SIK3: variants seen among roughly 807,000 people sequenced by gnomAD.
The protein encoded by SIK3 is SIK family kinase 3, also known as serine/threonine-protein kinase SIK3.
SIK3 carries 28 observed loss-of-function variants against 144.2 expected under a neutral mutation model. The ratio of observed to expected loss-of-function variants is 0.19; its 90% confidence interval spans 0.14 to 0.27. SIK3 has a LOEUF of 0.27. Ranked by LOEUF, SIK3 falls within the 10% of genes least tolerant of loss-of-function variation. The pLI is 1.00. For synonymous variants in SIK3, 686 were observed against 676.3 expected (o/e 1.01, Z -0.22); for missense variants, 1,319 against 1,776.0 (o/e 0.74, Z 4.62).
chr11:116,857,685 G>A (rs2134384885), intron 21 of SIK3, 125 bp downstream of exon 21: 1 of 1,439,830 alleles, frequency 6.9e-7, no homozygotes, highest in African/African-American at 1.4e-5. Context: ...CCCCAAGAAG[G>A]TCGTGAAGCT....
At chr11:117,038,776 G>A (rs1952620102) in intron 1 of SIK3, among the ~76,000 whole-genome samples, 1 of 152,082 alleles carries the variant, frequency 6.6e-6, no homozygotes, top group African/African-American at 2.4e-5. Context: ...GCGGCCAGGC[G>A]CAGTGGCTCA....
chr11:116,993,570 A>G (rs2135569054), intron 1 of SIK3, among the ~76,000 whole-genome samples: 1 of 152,312 alleles, frequency 6.6e-6, no homozygotes, highest in South Asian at 2.1e-4. Context: ...AAAAGTATAG[A>G]GGAGCAGATA....
At chr11:117,052,620 A>C (rs546114095) in intron 1 of SIK3, among the ~76,000 whole-genome samples, 40 of 152,376 alleles carry the variant, frequency 2.6e-4, no homozygotes, top group Non-Finnish European at 5.1e-4. Context: ...TATCCCCAAC[A>C]AAACAAAAGT....
chr11:116,865,460 T>C (rs1246827077), intron 15 of SIK3, among the ~76,000 whole-genome samples: 2 of 152,182 alleles, frequency 1.3e-5, no homozygotes, highest in African/African-American at 2.4e-5. Flanking sequence ...GTATCAATTG[T>C]GCTTGATTTT....
chr11:117,020,246 T>TATACAC lies in SIK3; in HGVS notation c.274-63183_274-63182insGTGTAT. ...GTATGTGTATATGTGCATATATATATACACATACATATATCTCCATGGTTC... is the reference window on the plus strand; with the variant it reads ...GTATGTGTATATGTGCATATATATATATACACACACATACATATATCTCCATGGTTC... On this transcript the variant is annotated intron_variant, in intron 1 of 24. Transcript: ENST00000445177. 7.3e-4 allele frequency among the ~76,000 whole-genome samples: 93 copies of TATACAC among 127,300 alleles called. 7 individuals are homozygous for TATACAC. Among genetic ancestry groups the TATACAC allele is most frequent in the African/African-American group, 3.1e-3 (90 of 28,822 alleles). The allele number at this position is 127,300 out of a possible 152,430, so 83.5% of individuals were successfully genotyped here.
intron 1 of SIK3, among the ~76,000 whole-genome samples, chr11:116,994,215 T>C (rs1950585877): frequency 6.6e-6 from 1 of 152,254 alleles, no homozygotes; most frequent in East Asian, 1.9e-4. Context: ...GTAACTGTTT[T>C]TGAAGAGTCT....
chr11:117,072,838 A>C (rs1317422139), intron 1 of SIK3, among the ~76,000 whole-genome samples: 1 of 152,250 alleles, frequency 6.6e-6, no homozygotes, highest in Non-Finnish European at 1.5e-5. Context: ...CTGAAAGTAG[A>C]TCAAAGGTAT....
At chr11:116,859,635 G>A in intron 19 of SIK3, 31 bp from the exon 20 acceptor site, 2 of 1,592,692 alleles carry the variant, frequency 1.3e-6, no homozygotes, top group Non-Finnish European at 1.7e-6. Context: ...GAGTGACCAA[G>A]TGCCCAGGCC....
intron 4 of SIK3, among the ~76,000 whole-genome samples, chr11:116,922,217 T>C (rs1400105075): frequency 6.6e-6 from 1 of 152,180 alleles, no homozygotes; most frequent in African/African-American, 2.4e-5. Flanking sequence ...AAATATCAAA[T>C]GTAGGCCAGG....
intron 21 of SIK3, among the ~76,000 whole-genome samples, chr11:116,854,875 G>C (rs1441176629): frequency 6.6e-6 from 1 of 151,972 alleles, no homozygotes. Flanking sequence ...TGGATCACTT[G>C]AAGTCAGGAG....
intron 3 of SIK3, among the ~76,000 whole-genome samples, chr11:116,946,653 A>G (rs953281968): frequency 6.6e-6 from 1 of 152,222 alleles, no homozygotes; most frequent in African/African-American, 2.4e-5. Flanking sequence ...CTTACTCATG[A>G]AACATGAAGA....
chr11:116,889,494 G>C (rs926389660), intron 6 of SIK3, among the ~76,000 whole-genome samples: 1 of 152,186 alleles, frequency 6.6e-6, no homozygotes, highest in African/African-American at 2.4e-5. Flanking sequence ...TTGAACCCAG[G>C]AGTTTGAGGC....
chr11:116,980,949 G>C (rs1714297401), intron 1 of SIK3, among the ~76,000 whole-genome samples: 1 of 152,038 alleles, frequency 6.6e-6, no homozygotes. Flanking sequence ...GTTCTACAGA[G>C]ACTGAGTTCT....
In SIK3 at chr11:116,867,825, C is replaced by CT; in HGVS notation, c.1952+120_1952+121insA. On this transcript the variant is annotated intron_variant, in intron 15 of 24. Coordinates refer to ENST00000445177, the MANE Select transcript of SIK3 (RefSeq NM_001366686.3). The surrounding 1 kb of genome is among the most constrained non-coding windows in gnomAD (Gnocchi z 4.1). Reference sequence around the variant, plus strand: ...GCAAGGAGCTGAGAAGATGTGAGTTCAGGATGACAGCTGGCTTCTATTTAA... The same window carrying CT: ...GCAAGGAGCTGAGAAGATGTGAGTTCTAGGATGACAGCTGGCTTCTATTTAA... 9.5e-7 allele frequency: 1 copy of CT among 1,049,742 alleles called. No homozygotes were observed. The allele number at this position is 1,049,742 out of a possible 1,614,324, so 65.0% of individuals were successfully genotyped here. A position where few individuals can be genotyped will look rare whatever the true frequency, so the allele number is the denominator to read the frequency against.
At chr11:116,921,079 C>T (rs1946941537) in intron 4 of SIK3, among the ~76,000 whole-genome samples, 1 of 152,172 alleles carries the variant, frequency 6.6e-6, no homozygotes, top group Non-Finnish European at 1.5e-5. Context: ...TCTGTGGATC[C>T]TTACACATCT....
Position 116,875,106 on chromosome 11 carries a change from G to C in SIK3, c.1427+52C>G, listed in dbSNP as rs147575669. 7.9e-5 allele frequency: 112 copies of C among 1,420,970 alleles called. 1 individual carries two copies. In the African/African-American group the frequency reaches 1.2e-3, roughly 15 times the overall value. 88.0% of individuals were successfully genotyped at this position (1,420,970 alleles called of 1,614,324 possible). A position where few individuals can be genotyped will look rare whatever the true frequency, so the allele number is the denominator to read the frequency against. On this transcript the variant is annotated intron_variant, in intron 11 of 24. Coordinates refer to ENST00000445177, the MANE Select transcript of SIK3 (RefSeq NM_001366686.3). ...GTGCCATGGTAGACACTGAAAGTCAGGTGACAATTCTTTGCCCCAGTGTTA... is the reference window on the plus strand; with the variant it reads ...GTGCCATGGTAGACACTGAAAGTCACGTGACAATTCTTTGCCCCAGTGTTA...
At chr11:116,940,973 A>G (rs1477783701) in intron 3 of SIK3, among the ~76,000 whole-genome samples, 1 of 151,592 alleles carries the variant, frequency 6.6e-6, no homozygotes, top group South Asian at 2.1e-4. Flanking sequence ...AGACCCTTAG[A>G]AAATAGCTAA....
At chr11:116,918,040 C>T (rs1488550978) in intron 4 of SIK3, among the ~76,000 whole-genome samples, 6 of 152,134 alleles carry the variant, frequency 3.9e-5, no homozygotes, top group African/African-American at 1.4e-4. Flanking sequence ...GGCTTTTAAT[C>T]ATCACTGCTC....
intron 4 of SIK3, among the ~76,000 whole-genome samples, chr11:116,918,307 C>T (rs1043401583): frequency 6.6e-6 from 1 of 152,184 alleles, no homozygotes; most frequent in African/African-American, 2.4e-5. Flanking sequence ...CATCCACCCT[C>T]TTACACTCCG....
Sources: allele counts gnomAD v4.1 joint callset (sites outside exome capture counted in the v4.1 genomes callset), GRCh38; gene constraint gnomAD v4.1.1; non-coding constraint Gnocchi (gnomAD v3.1); transcripts MANE v1.5; gene names NCBI Gene and HGNC (gene_info 2026-07-23, HGNC 2026-07-21).